The following SCML2 variants were observed in gnomAD, a reference collection of about 807,000 sequenced individuals.
SCML2 encodes Scm polycomb group protein like 2, also known as sex comb on midleg-like protein 2.
A neutral mutation model predicts 48.4 loss-of-function variants in SCML2; 6 were observed. The observed-to-expected ratio is 0.12, with a 90% CI of 0.07 to 0.24. The LOEUF is 0.24. Among genes scored for constraint, SCML2 ranks in the 10% least tolerant of loss-of-function variants. The pLI is 1.00. For missense variants in SCML2, 377 were observed against 528.2 expected, an observed-to-expected ratio of 0.71 and a Z score of 2.81; for synonymous variants, 181 against 189.5, an observed-to-expected ratio of 0.95 and a Z score of 0.37.
At chrX:18,298,921 G>A (rs747846514) in intron 7 of SCML2, among the ~76,000 whole-genome samples, 3 of 110,715 alleles carry the variant, frequency 2.7e-5, no homozygotes, top group Admixed American at 1.9e-4. Flanking sequence ...CATAAGGCCC[G>A]AAACTATAAA....
At chrX:18,336,403 C>T (rs1219380244) in intron 1 of SCML2, among the ~76,000 whole-genome samples, 1 of 100,509 alleles carries the variant, frequency 9.9e-6, no homozygotes, top group Non-Finnish European at 2.0e-5. Flanking sequence ...CATGCCACTG[C>T]ACTCCAGCCT....
chrX:18,344,516 T>A (rs1930138403), intron 1 of SCML2, among the ~76,000 whole-genome samples: 1 of 112,006 alleles, frequency 8.9e-6, no homozygotes, highest in African/African-American at 3.2e-5. Context: ...GCTCTCATAA[T>A]TCCCTCATGT....
chrX:18,335,665 T>C (rs930036138), intron 1 of SCML2, among the ~76,000 whole-genome samples: 2 of 111,786 alleles, frequency 1.8e-5, no homozygotes, highest in South Asian at 3.8e-4. Context: ...ATTGCTTCCA[T>C]TGGCTGAATA....
chrX:18,256,720 CTA>C (rs3830882), intron 11 of SCML2, 126 bp downstream of exon 11: 179,165 of 495,690 alleles, frequency 0.36, 26,693 homozygotes, highest in Non-Finnish European at 0.41. Flanking sequence ...ACAAAAACAA[CTA>C]TATGTTATAC....
intron 13 of SCML2, among the ~76,000 whole-genome samples, chrX:18,246,032 C>T (rs774588072): frequency 3.6e-5 from 4 of 112,518 alleles, no homozygotes; most frequent in African/African-American, 9.7e-5. Context: ...AGCCACCCCG[C>T]GCCTGGCCTG....
chrX:18,281,572 C>T (rs1284202908), intron 7 of SCML2, among the ~76,000 whole-genome samples: 1 of 108,958 alleles, frequency 9.2e-6, no homozygotes, highest in Non-Finnish European at 1.9e-5. Context: ...ATTAGCCGGG[C>T]GTGCTGGCAG....
chrX:18,305,191 T>A lies in SCML2; in HGVS notation c.511A>T (p.Asn171Tyr), dbSNP rs1448736070. 1 of 1,204,092 alleles carries A rather than the reference T, an allele frequency of 8.3e-7. No individual in the cohort carries two copies. The highest frequency in any genetic ancestry group is 1.8e-5 in the South Asian group (1 of 55,021). The change falls in exon 7 of 15, where the codon AAT becomes TAT. Residue 171 changes from asparagine (N) to tyrosine (Y), a missense_variant. By Grantham distance (143) the Asn-to-Tyr change is moderately radical (BLOSUM62 -2). Around this residue, in one of 3 missense-constraint regions of SCML2, gnomAD observed 299 missense variants for 425.5 expected, o/e 0.70. Transcript: ENST00000251900. ...TCCAGTTTCATCCCCACTTTAAAATTATTTAGTGGGGGCTTTGGTGGTTCC... is the reference window on the plus strand; with the variant it reads ...TCCAGTTTCATCCCCACTTTAAAATAATTTAGTGGGGGCTTTGGTGGTTCC... ...KKEPPKPPLN[N>Y]FKVGMKLEAI...
chrX:18,241,244 C>T lies in SCML2; in HGVS notation c.*7G>A, dbSNP rs779767255. On this transcript the variant is annotated 3_prime_UTR_variant, in exon 15 of 15. Coordinates refer to ENST00000251900, the MANE Select transcript of SCML2 (RefSeq NM_006089.3). The stretch of plus-strand genomic sequence containing the variant: ...GAATTATGTCCAATCTAAACTTACA[C>T]ATTTTTTTAACTGTATTTTCCTTCT... 4.2e-6 allele frequency: 5 copies of T among 1,183,113 alleles called. No individual in the cohort carries two copies. The highest frequency in any genetic ancestry group is 3.9e-5 in the South Asian group (2 of 51,916).
rs191556366 is a variant in SCML2 at position 18,333,041 on chromosome X, C to T, written c.22+1009G>A. Among the ~76,000 whole-genome samples the T allele has an allele frequency of 4.2e-3, 459 of 110,402 alleles. 3 individuals are homozygous for T. Among genetic ancestry groups the T allele is most frequent in the African/African-American group, 0.014 (439 of 30,390 alleles). The stretch of plus-strand genomic sequence containing the variant: ...CTGTAATCCCAGCACTTTGAGAGGC[C>T]GAGGCGGGAAGATCACTTGAGGTCA... On this transcript the variant is annotated intron_variant, in intron 2 of 14. Transcript: ENST00000251900.
At chrX:18,292,521 GA>G (rs992457232) in intron 7 of SCML2, among the ~76,000 whole-genome samples, 6 of 110,043 alleles carry the variant, frequency 5.5e-5, no homozygotes, top group African/African-American at 1.3e-4. Flanking sequence ...AACAGATTAT[GA>G]AAAAAAATAG....
intron 7 of SCML2, among the ~76,000 whole-genome samples, chrX:18,271,548 T>A (rs1371099148): frequency 9.1e-6 from 1 of 109,316 alleles, no homozygotes; most frequent in Admixed American, 9.8e-5. Context: ...GGGACTCTTG[T>A]TTAGAAAAAA....
chrX:18,248,227 G>A (rs1310755876), intron 11 of SCML2, among the ~76,000 whole-genome samples: 4 of 111,543 alleles, frequency 3.6e-5, no homozygotes, highest in African/African-American at 1.3e-4. Flanking sequence ...TGAGCCAGAG[G>A]AGTTAAAACT....
At chrX:18,332,099 G>T (rs1265449915) in intron 2 of SCML2, among the ~76,000 whole-genome samples, 1 of 112,194 alleles carries the variant, frequency 8.9e-6, no homozygotes, top group African/African-American at 3.2e-5. Context: ...GTTGCAAAAT[G>T]AAGGTATTCT....
chrX:18,278,874 C>T (rs1404202646), intron 7 of SCML2, among the ~76,000 whole-genome samples: 3 of 112,857 alleles, frequency 2.7e-5, no homozygotes, highest in East Asian at 5.6e-4. Context: ...GGCTGCCACT[C>T]GAGGAGAGGA....
At chrX:18,285,874 G>A (rs181642364) in intron 7 of SCML2, among the ~76,000 whole-genome samples, 10 of 110,297 alleles carry the variant, frequency 9.1e-5, no homozygotes, top group Non-Finnish European at 1.7e-4. Flanking sequence ...ATTTACAATC[G>A]GACCACATTT....
chrX:18,253,224 T>C (rs1423811891), intron 11 of SCML2, among the ~76,000 whole-genome samples: 1 of 111,735 alleles, frequency 8.9e-6, no homozygotes, highest in East Asian at 2.8e-4. Flanking sequence ...AGACTGAGTC[T>C]TACTAAAACT....
intron 6 of SCML2, among the ~76,000 whole-genome samples, chrX:18,317,876 T>C (rs868030744): frequency 5.5e-5 from 5 of 90,621 alleles, no homozygotes; most frequent in African/African-American, 2.1e-4. Context: ...GGAGAACAAA[T>C]AAAACTTCAA....
chrX:18,282,599 T>C (rs1456987216), intron 7 of SCML2, among the ~76,000 whole-genome samples: 6 of 110,247 alleles, frequency 5.4e-5, no homozygotes, highest in Non-Finnish European at 1.1e-4. Context: ...GATCACGCCA[T>C]TGCACTCCAG....
intron 11 of SCML2, among the ~76,000 whole-genome samples, chrX:18,252,948 A>T (rs181703610): frequency 1.8e-5 from 2 of 111,974 alleles, no homozygotes; most frequent in East Asian, 5.7e-4. Flanking sequence ...GAAATCTCTC[A>T]CAGTCTCATG....
Sources: gnomAD v4.1 joint callset for allele counts (sites outside exome capture counted in the v4.1 genomes callset) on GRCh38, gnomAD v4.1.1 for gene constraint, gnomAD v4.1.1 regional missense constraint, MANE v1.5 for transcripts, NCBI Gene and HGNC (gene_info 2026-07-23, HGNC 2026-07-21) for gene names.